Variants in CCDC73 observed in about 807,000 individuals in gnomAD.
CCDC73 encodes the protein coiled-coil domain-containing protein 73.
CCDC73 carries 95 observed loss-of-function variants against 116.5 expected under a neutral mutation model. The observed-to-expected ratio is 0.82, with a 90% CI of 0.69 to 0.97. The LOEUF is 0.97. Ranked by LOEUF, CCDC73 falls within the 50% of genes least tolerant of loss-of-function variation. The pLI is 0.00. For synonymous variants in CCDC73, 398 were observed against 401.3 expected (o/e 0.99, Z 0.10); for missense variants, 1,066 against 1,206.8 (o/e 0.88, Z 1.73).
chr11:32,670,636 G>A (rs767851359), intron 9 of CCDC73, among the ~76,000 whole-genome samples: 1 of 152,030 alleles, frequency 6.6e-6, no homozygotes, highest in Non-Finnish European at 1.5e-5. Flanking sequence ...ACTTATATTT[G>A]GATAAAATGG....
chr11:32,776,026 A>ATCTTTC (rs1467970626), intron 1 of CCDC73, among the ~76,000 whole-genome samples: 2 of 152,066 alleles, frequency 1.3e-5, no homozygotes, highest in African/African-American at 4.8e-5. Flanking sequence ...AATCTTTGAC[A>ATCTTTC]TCTTTCTCTT....
At chr11:32,780,976 G>A (rs986465843) in intron 1 of CCDC73, among the ~76,000 whole-genome samples, 4 of 151,950 alleles carry the variant, frequency 2.6e-5, no homozygotes, top group Non-Finnish European at 4.4e-5. Context: ...TCTACAAAAA[G>A]TTTTAAAAGT....
At chr11:32,779,820 T>C (rs969582411) in intron 1 of CCDC73, among the ~76,000 whole-genome samples, 3 of 152,174 alleles carry the variant, frequency 2.0e-5, no homozygotes, top group African/African-American at 7.2e-5. Context: ...GGTACTGTTA[T>C]CAGGAAAAGG....
intron 2 of CCDC73, among the ~76,000 whole-genome samples, chr11:32,721,763 A>T (rs991007027): frequency 5.9e-5 from 9 of 151,694 alleles, no homozygotes; most frequent in African/African-American, 1.2e-4. Flanking sequence ...GTGCCCGGCT[A>T]ATTTTTTGTA....
chr11:32,687,493 AAGTC>A (rs1856212543), intron 6 of CCDC73, among the ~76,000 whole-genome samples: 1 of 152,210 alleles, frequency 6.6e-6, no homozygotes, highest in African/African-American at 2.4e-5. Flanking sequence ...GTGATAATGA[AAGTC>A]AGATTTCTCA....
At chr11:32,669,531 C>A (rs1208295746) in intron 9 of CCDC73, among the ~76,000 whole-genome samples, 3 of 152,058 alleles carry the variant, frequency 2.0e-5, no homozygotes, top group Admixed American at 6.6e-5. Flanking sequence ...CCCTGTTGTG[C>A]TATCAAATAC....
At chr11:32,686,369 T>C (rs271022) in intron 6 of CCDC73, among the ~76,000 whole-genome samples, 114,946 of 148,438 alleles carry the variant, frequency 0.77, 44,767 homozygotes, top group East Asian at 0.93. Context: ...CAAGCAGAGA[T>C]GGCAAATAGT....
chr11:32,780,584 A>T (rs892921236), intron 1 of CCDC73, among the ~76,000 whole-genome samples: 13 of 152,228 alleles, frequency 8.5e-5, no homozygotes, highest in Non-Finnish European at 1.6e-4. Context: ...ATAAAAAACA[A>T]GAAAGAAAAG....
At chr11:32,639,733 G>A (rs1437389367) in intron 13 of CCDC73, among the ~76,000 whole-genome samples, 2 of 152,106 alleles carry the variant, frequency 1.3e-5, no homozygotes, top group Admixed American at 6.5e-5. Flanking sequence ...ACAGGCATGA[G>A]CCACCACACC....
At chr11:32,664,033 G>C (rs936151854) in intron 9 of CCDC73, among the ~76,000 whole-genome samples, 18 of 152,120 alleles carry the variant, frequency 1.2e-4, no homozygotes, top group Non-Finnish European at 1.0e-4. Flanking sequence ...ATGAAGCCCA[G>C]TTGATCATGG....
Position 32,614,214 on chromosome 11 carries a change from A to G in CCDC73, c.2104T>C (p.Cys702Arg). ...ACATGGTGGTCGATTACTATATCAC[A>G]GGGAACAGTTAGTTCAGATTTCTCT... Reference protein sequence around the residue: ...TLEKSELTVPCDIVIDHHVSY... With the variant: ...TLEKSELTVPRDIVIDHHVSY... Residue 702 changes from cysteine to arginine, a missense_variant, in exon 16 of 18, where the codon TGT (cysteine) becomes CGT (arginine). Transcript: ENST00000335185. 6.2e-7 allele frequency: 1 copy of G among 1,613,928 alleles called. No individual in the cohort carries two copies. The highest frequency in any genetic ancestry group is 8.5e-7 in the Non-Finnish European group (1 of 1,179,856).
chr11:32,820,591 T>G, the CCDC73 span, among the ~76,000 whole-genome samples: 1 of 152,210 alleles, frequency 6.6e-6, no homozygotes, highest in Non-Finnish European at 1.5e-5. Context: ...GTTAAGTTCC[T>G]GAAATGGATA....
rs149797787 is a variant in CCDC73 at position 32,726,845 on chromosome 11, A to C, written c.136-8698T>G. Among the ~76,000 whole-genome samples, 1,511 of 152,306 alleles carry C rather than the reference A, an allele frequency of 9.9e-3. 25 individuals carry two copies. Among genetic ancestry groups the C allele is most frequent in the Non-Finnish European group, 0.016 (1,072 of 68,014 alleles). On this transcript the variant is annotated intron_variant, in intron 2 of 17. Coordinates refer to ENST00000335185, the MANE Select transcript of CCDC73 (RefSeq NM_001008391.4). ...AAAGAAGTATACTTCTAAGTAGCCC[A>C]TATGTTGAAGAAGAAATTATAAAAA...
intron 17 of CCDC73, 93 bp from the exon 18 acceptor site, chr11:32,603,113 A>T: frequency 1.0e-6 from 1 of 989,448 alleles, no homozygotes; most frequent in Non-Finnish European, 1.5e-6. Context: ...TATGTGGTAA[A>T]ACCACCATCT....
chr11:32,739,842 T>C (rs1850168013), intron 2 of CCDC73, among the ~76,000 whole-genome samples: 1 of 150,894 alleles, frequency 6.6e-6, no homozygotes, highest in African/African-American at 2.5e-5. Context: ...GCTTTTACTG[T>C]ATTGAGGTAT....
upstream of CCDC73, among the ~76,000 whole-genome samples, chr11:32,796,393 G>A (rs993582359): frequency 2.0e-5 from 3 of 152,092 alleles, no homozygotes; most frequent in South Asian, 2.1e-4. Context: ...TAATATTTAC[G>A]ATAATTTACT....
intron 1 of CCDC73, among the ~76,000 whole-genome samples, chr11:32,765,027 A>G (rs1197643991): frequency 1.3e-5 from 2 of 152,242 alleles, no homozygotes; most frequent in African/African-American, 4.8e-5. Context: ...AGGCCATTAT[A>G]TAATGGCAAA....
At chr11:32,796,670 G>A (rs1366806814), upstream of CCDC73, among the ~76,000 whole-genome samples, 2 of 152,080 alleles carry the variant, frequency 1.3e-5, no homozygotes, top group South Asian at 2.1e-4. Flanking sequence ...TGGCCTTTAG[G>A]AGACGATTGA....
chr11:32,611,678 C>G (rs1164885536), intron 16 of CCDC73, among the ~76,000 whole-genome samples: 1 of 152,076 alleles, frequency 6.6e-6, no homozygotes. Flanking sequence ...GATTTATAAA[C>G]TATTTAAAGA....
Sources: gnomAD v4.1 joint callset for allele counts (sites outside exome capture counted in the v4.1 genomes callset) on GRCh38, gnomAD v4.1.1 for gene constraint, MANE v1.5 for transcripts, NCBI Gene and HGNC (gene_info 2026-07-23, HGNC 2026-07-21) for gene names.